CAMK1D: variants seen among roughly 807,000 people sequenced by gnomAD.
The protein encoded by CAMK1D is calcium/calmodulin dependent protein kinase ID, also known as calcium/calmodulin-dependent protein kinase type 1D.
A neutral mutation model predicts 47.7 loss-of-function variants in CAMK1D; 9 were observed. The ratio of observed to expected loss-of-function variants is 0.19; its 90% CI spans 0.11 to 0.33. The LOEUF (loss-of-function observed/expected upper bound fraction) is 0.33. CAMK1D is among the 10% of genes least tolerant of loss of function. The pLI is 1.00. For synonymous variants in CAMK1D, 184 were observed against 184.9 expected, an observed-to-expected ratio of 0.99 and a Z score of 0.04; for missense variants, 291 against 488.7, an observed-to-expected ratio of 0.60 and a Z score of 3.81.
intron 4 of CAMK1D, among the ~76,000 whole-genome samples, chr10:12,766,963 G>A (rs187089100): frequency 6.6e-6 from 1 of 152,230 alleles, no homozygotes; most frequent in African/African-American, 2.4e-5. Context: ...TTTCTTCACT[G>A]CGATGTTGAC....
chr10:12,741,272 T>C (rs1052695899), intron 3 of CAMK1D, among the ~76,000 whole-genome samples: 2 of 152,238 alleles, frequency 1.3e-5, no homozygotes, highest in Non-Finnish European at 2.9e-5. Flanking sequence ...CCTTTCTTCA[T>C]GCTTAGCAGA....
chr10:12,772,672 C>T (rs1419153645), intron 5 of CAMK1D, among the ~76,000 whole-genome samples: 1 of 152,180 alleles, frequency 6.6e-6, no homozygotes, highest in Admixed American at 6.5e-5. Context: ...AAGAGTCCAT[C>T]GCTCTTGCTA....
chr10:12,751,379 A>G (rs1279340692), intron 3 of CAMK1D, among the ~76,000 whole-genome samples: 3 of 152,134 alleles, frequency 2.0e-5, no homozygotes, highest in Non-Finnish European at 4.4e-5. Context: ...TCAGCCTCCC[A>G]AAGTGCTAGG....
At chr10:12,489,663 G>C (rs1358214441) in intron 1 of CAMK1D, among the ~76,000 whole-genome samples, 1 of 152,142 alleles carries the variant, frequency 6.6e-6, no homozygotes, top group Non-Finnish European at 1.5e-5. Flanking sequence ...GGGATGCCTG[G>C]TTTACACGAC....
chr10:12,651,088 C>T (rs1219540052), intron 2 of CAMK1D, among the ~76,000 whole-genome samples: 1 of 152,202 alleles, frequency 6.6e-6, no homozygotes, highest in African/African-American at 2.4e-5. Context: ...CTCCCACCTC[C>T]TCCTTCCTCC....
At chr10:12,564,386 C>T (rs960542281) in intron 2 of CAMK1D, among the ~76,000 whole-genome samples, 2 of 151,990 alleles carry the variant, frequency 1.3e-5, no homozygotes, top group African/African-American at 2.4e-5. Flanking sequence ...ATTCATATGG[C>T]AAATGAATTA....
rs1402730560 is a variant in CAMK1D, at chr10:12,813,313, T to C, written c.642-882T>C. Among the ~76,000 whole-genome samples, 3 of 152,326 alleles carry C rather than the reference T, an allele frequency of 2.0e-5. No individual in the cohort carries two copies. The East Asian group carries it at 5.8e-4, about 29-fold the overall frequency. On this transcript the variant is annotated intron_variant, in intron 6 of 10. Coordinates refer to ENST00000619168, the MANE Select transcript of CAMK1D (RefSeq NM_153498.4). ...GTAGTGTGCTGATGTGCAGGTTATG[T>C]GCGTGACAATGTGCAGGTTATGGTG... is the stretch of plus-strand genomic sequence containing the variant.
rs1840047927 is a variant in CAMK1D, at chr10:12,421,508, A to ATCCTTTTTTTTTTTTTTTTTTTTTTTTTT, written c.92+71599_92+71600insCCTTTTTTTTTTTTTTTTTTTTTTTTTTT. Among the ~76,000 whole-genome samples the ATCCTTTTTTTTTTTTTTTTTTTTTTTTTT allele has an allele frequency of 3.7e-5, 2 of 53,780 alleles. 1 individual carries two copies. Among genetic ancestry groups the ATCCTTTTTTTTTTTTTTTTTTTTTTTTTT allele is most frequent in the African/African-American group, 1.2e-4 (2 of 16,142 alleles). 35.3% of individuals were successfully genotyped at this position (53,780 alleles called of 152,430 possible). ...GGTCATGCTGGGCCATTTATCCAGG[A>ATCCTTTTTTTTTTTTTTTTTTTTTTTTTT]TTCTTTTTTTTTTTTTTTTTTTTTT... On this transcript the variant is annotated intron_variant, in intron 1 of 10. Transcript: ENST00000619168.
At chr10:12,607,766 G>C in intron 2 of CAMK1D, among the ~76,000 whole-genome samples, 1 of 152,154 alleles carries the variant, frequency 6.6e-6, no homozygotes, top group Non-Finnish European at 1.5e-5. Context: ...TTCCAGACCA[G>C]CCTAAGCAAC....
intron 2 of CAMK1D, among the ~76,000 whole-genome samples, chr10:12,579,095 C>T (rs1338079868): frequency 6.6e-6 from 1 of 151,856 alleles, no homozygotes; most frequent in Non-Finnish European, 1.5e-5. Flanking sequence ...CTTCAAAGAG[C>T]AAGAAACAAT....
intron 3 of CAMK1D, among the ~76,000 whole-genome samples, chr10:12,704,407 A>G (rs1833651087): frequency 6.6e-6 from 1 of 152,332 alleles, no homozygotes; most frequent in East Asian, 1.9e-4. Context: ...AGGGACCAGT[A>G]TAAATGTGGG....
intron 1 of CAMK1D, among the ~76,000 whole-genome samples, chr10:12,498,493 A>G (rs1834607190): frequency 2.6e-5 from 4 of 152,206 alleles, no homozygotes; most frequent in African/African-American, 9.7e-5. Flanking sequence ...TGGCTGAGAT[A>G]TGGCTGAATC....
At chr10:12,418,914 C>T (rs1839947986) in intron 1 of CAMK1D, among the ~76,000 whole-genome samples, 2 of 152,038 alleles carry the variant, frequency 1.3e-5, no homozygotes. Context: ...AGGCCTCAGC[C>T]GAGAGTGGCC....
intron 1 of CAMK1D, among the ~76,000 whole-genome samples, chr10:12,534,730 C>T (rs559157762): frequency 8.5e-4 from 130 of 152,216 alleles, no homozygotes; most frequent in African/African-American, 3.0e-3. Flanking sequence ...GGGATCAGTG[C>T]GAATGTTGCT....
intron 1 of CAMK1D, among the ~76,000 whole-genome samples, chr10:12,457,708 G>A (rs12762245): frequency 0.31 from 46,362 of 149,756 alleles, 7,905 homozygotes; most frequent in East Asian, 0.53. Flanking sequence ...TTGAACCCAG[G>A]AGGCGGAGGT....
At chr10:12,634,190 T>A (rs1839453043) in intron 2 of CAMK1D, among the ~76,000 whole-genome samples, 1 of 152,234 alleles carries the variant, frequency 6.6e-6, no homozygotes, top group Non-Finnish European at 1.5e-5. Context: ...TGCATGTTGC[T>A]GAGTAATTTC....
intron 3 of CAMK1D, among the ~76,000 whole-genome samples, chr10:12,722,996 A>T (rs193135170): frequency 2.0e-5 from 3 of 152,258 alleles, no homozygotes; most frequent in African/African-American, 7.2e-5. Context: ...TTGAGTGTAG[A>T]TGGGAAAAGG....
At chr10:12,482,846 G>A (rs1487795833) in intron 1 of CAMK1D, among the ~76,000 whole-genome samples, 4 of 152,164 alleles carry the variant, frequency 2.6e-5, no homozygotes, top group Non-Finnish European at 4.4e-5. Flanking sequence ...GTTCACAGCC[G>A]CGCTTTCTGT....
chr10:12,373,651 CA>C (rs941553480), intron 1 of CAMK1D, among the ~76,000 whole-genome samples: 2 of 151,662 alleles, frequency 1.3e-5, no homozygotes, highest in Admixed American at 6.6e-5. Flanking sequence ...AACAAACAAA[CA>C]AAAAAACACC....
Sources: allele counts gnomAD v4.1 joint callset (sites outside exome capture counted in the v4.1 genomes callset), GRCh38; gene constraint gnomAD v4.1.1; transcripts MANE v1.5; gene names NCBI Gene and HGNC (gene_info 2026-07-23, HGNC 2026-07-21).